The following SRGAP1 variants were observed in gnomAD, a reference collection of about 807,000 sequenced individuals.
SRGAP1 encodes the protein SLIT-ROBO Rho GTPase activating protein 1, also known as SLIT-ROBO Rho GTPase-activating protein 1.
Under a neutral mutation model 121.9 loss-of-function variants are expected in SRGAP1, and 43 were observed. The ratio of observed to expected loss-of-function variants is 0.35; its 90% confidence interval spans 0.28 to 0.46. SRGAP1 has a LOEUF of 0.46. SRGAP1 is among the 20% of genes least tolerant of loss of function. The pLI is 1.00. For synonymous variants in SRGAP1, 447 were observed against 485.4 expected, an observed-to-expected ratio of 0.92 and a Z score of 1.04; for missense variants, 1,102 against 1,350.9, an observed-to-expected ratio of 0.82 and a Z score of 2.89.
intron 1 of SRGAP1, among the ~76,000 whole-genome samples, chr12:63,932,132 T>TTAG (rs2031497985): frequency 2.0e-5 from 3 of 151,906 alleles, no homozygotes; most frequent in Middle Eastern, 6.9e-3. Flanking sequence ...AAAAAAAAAA[T>TTAG]TAGCTGGGCG....
intron 21 of SRGAP1, among the ~76,000 whole-genome samples, chr12:64,140,584 A>G (rs904614913): frequency 6.6e-6 from 1 of 151,902 alleles, no homozygotes; most frequent in Non-Finnish European, 1.5e-5. Context: ...ACCATCTCAC[A>G]CCAGTTAGAA....
chr12:63,996,028 T>A (rs1275393093), intron 3 of SRGAP1, among the ~76,000 whole-genome samples: 2 of 151,584 alleles, frequency 1.3e-5, no homozygotes, highest in African/African-American at 4.8e-5. Context: ...GTTTTTTTTT[T>A]TAAAAAAAGT....
intron 1 of SRGAP1, among the ~76,000 whole-genome samples, chr12:63,889,299 T>C (rs1285951003): frequency 6.6e-6 from 1 of 152,136 alleles, no homozygotes; most frequent in African/African-American, 2.4e-5. Context: ...TCACACATAA[T>C]GCCCTGCTGA....
At position 64,058,164 on chromosome 12, in the gene SRGAP1, A is replaced by G. The variant is rs1184085316; in HGVS notation, c.802-4753A>G. On this transcript the variant is annotated intron_variant, in intron 6 of 21. Coordinates refer to ENST00000355086, the MANE Select transcript of SRGAP1 (RefSeq NM_020762.4). ...CAGTCCTCCATACAGATGGTCCTCA[A>G]CTTACACTGGTTCAACTTACAGTTT... 2.0e-5 allele frequency among the ~76,000 whole-genome samples: 3 copies of G among 152,158 alleles called. No individual in the cohort carries two copies. The East Asian group carries it at 5.8e-4, about 29-fold the overall frequency.
intron 18 of SRGAP1, chr12:64,120,540 G>A (rs2036590753): frequency 6.6e-6 from 1 of 152,140 alleles, no homozygotes; most frequent in South Asian, 2.1e-4. Flanking sequence ...TACAATCTAT[G>A]GAGAGGTATT....
intron 1 of SRGAP1, among the ~76,000 whole-genome samples, chr12:63,967,549 AC>A (rs1344933233): frequency 6.6e-6 from 1 of 152,208 alleles, no homozygotes; most frequent in Non-Finnish European, 1.5e-5. Context: ...AGGCAAGGAA[AC>A]TTTTCCTAGG....
chr12:63,858,658 C>T (rs56028204), intron 1 of SRGAP1, among the ~76,000 whole-genome samples: 43,107 of 152,024 alleles, frequency 0.28, 7,047 homozygotes, highest in East Asian at 0.55. Context: ...TTATTAGTTA[C>T]AGGATTATTT....
At chr12:64,027,053 G>A (rs1234722720) in intron 4 of SRGAP1, among the ~76,000 whole-genome samples, 1 of 152,038 alleles carries the variant, frequency 6.6e-6, no homozygotes, top group East Asian at 1.9e-4. Flanking sequence ...GCCATGCTAG[G>A]AGCTTCAGGT....
At chr12:64,067,253 G>A (rs191381236) in intron 8 of SRGAP1, among the ~76,000 whole-genome samples, 15 of 152,254 alleles carry the variant, frequency 9.9e-5, no homozygotes, top group Admixed American at 2.0e-4. Flanking sequence ...TAAACTTAGA[G>A]AGTCAGGCAG....
intron 12 of SRGAP1, among the ~76,000 whole-genome samples, chr12:64,094,542 A>T (rs2036117448): frequency 6.6e-6 from 1 of 152,180 alleles, no homozygotes; most frequent in Non-Finnish European, 1.5e-5. Flanking sequence ...ACTCTCAGGG[A>T]TGTCAGAGAG....
intron 1 of SRGAP1, among the ~76,000 whole-genome samples, chr12:63,913,740 C>T (rs768668587): frequency 3.3e-5 from 5 of 151,642 alleles, no homozygotes; most frequent in Non-Finnish European, 4.4e-5. Flanking sequence ...ACCCGTCGTC[C>T]ATAAAATAGG....
At chr12:64,065,895 T>TATTTAA (rs1330621990) in intron 8 of SRGAP1, among the ~76,000 whole-genome samples, 3 of 152,262 alleles carry the variant, frequency 2.0e-5, no homozygotes, top group Non-Finnish European at 4.4e-5. Context: ...AGCATTACTG[T>TATTTAA]ATTTAAATGA....
chr12:64,044,678 T>TTTTTTTTTTTTC lies in SRGAP1; in HGVS notation c.801+1114_801+1115insCTTTTTTTTTTT. Among the ~76,000 whole-genome samples, 2 of 97,808 alleles carry TTTTTTTTTTTTC rather than the reference T, an allele frequency of 2.0e-5. 1 individual carries two copies. Among genetic ancestry groups the TTTTTTTTTTTTC allele is most frequent in the Non-Finnish European group, 4.3e-5 (2 of 46,042 alleles). 64.2% of individuals were successfully genotyped at this position (97,808 alleles called of 152,430 possible). On this transcript the variant is annotated intron_variant, in intron 6 of 21. Coordinates refer to ENST00000355086, the MANE Select transcript of SRGAP1 (RefSeq NM_020762.4). ...TATTAACACTCTGATGTGCCTCTTTTTTTTTTTTTTTTTTTTTTTTTAAGA... is the reference window on the plus strand; with the variant it reads ...TATTAACACTCTGATGTGCCTCTTTTTTTTTTTTTTTCTTTTTTTTTTTTTTTTTTTTTAAGA...
At chr12:63,904,290 T>C (rs1178302774) in intron 1 of SRGAP1, among the ~76,000 whole-genome samples, 1 of 152,230 alleles carries the variant, frequency 6.6e-6, no homozygotes, top group Non-Finnish European at 1.5e-5. Context: ...CAGCAGGTTC[T>C]GATCACACAT....
Position 64,063,098 on chromosome 12 carries a change from C to T in SRGAP1, c.983C>T (p.Pro328Leu), listed in dbSNP as rs771658622. 6.2e-7 allele frequency: 1 copy of T among 1,613,894 alleles called. No individual in the cohort carries two copies. The highest frequency in any genetic ancestry group is 8.5e-7 in the Non-Finnish European group (1 of 1,179,832). ...GAGATGTACCCTGCTGCGTTCTGTC[C>T]ACCAATGAAGTTTGAGTTTCAGTCT... ...FMEMYPAAFC[P>L]PMKFEFQSHM... Residue 328 changes from proline (P) to leucine (L), a missense_variant, in exon 7 of 22, where the codon CCA (proline) becomes CTA (leucine). By Grantham distance (98) the Pro-to-Leu change is moderately conservative. Transcript: ENST00000355086.
intron 15 of SRGAP1, among the ~76,000 whole-genome samples, chr12:64,102,975 A>G (rs2036282669): frequency 6.6e-6 from 1 of 152,112 alleles, no homozygotes; most frequent in African/African-American, 2.4e-5. Flanking sequence ...TTATATCTCA[A>G]TAAAGCTGTT....
chr12:64,108,878 T>A (rs921876179), intron 15 of SRGAP1, 54 bp from the exon 16 acceptor site: 1 of 1,335,372 alleles, frequency 7.5e-7, no homozygotes, highest in African/African-American at 1.4e-5. Context: ...TGCAGTGTTC[T>A]GTTTTAAATG....
chr12:64,101,468 A>G (rs1435344560), intron 15 of SRGAP1, among the ~76,000 whole-genome samples: 2 of 152,144 alleles, frequency 1.3e-5, no homozygotes, highest in Non-Finnish European at 2.9e-5. Flanking sequence ...TTTTAAAAAT[A>G]TGCACTATTT....
intron 1 of SRGAP1, among the ~76,000 whole-genome samples, chr12:63,845,635 A>C (rs1294400995): frequency 6.6e-6 from 1 of 152,060 alleles, no homozygotes; most frequent in Non-Finnish European, 1.5e-5. Flanking sequence ...AAGGCTGATT[A>C]TTTTTACTTT....
Sources: gnomAD v4.1 joint callset for allele counts (sites outside exome capture counted in the v4.1 genomes callset) on GRCh38, gnomAD v4.1.1 for gene constraint, MANE v1.5 for transcripts, NCBI Gene and HGNC (gene_info 2026-07-23, HGNC 2026-07-21) for gene names.